The following CLDN16 variants were observed in gnomAD, a reference collection of about 807,000 sequenced individuals.
CLDN16 encodes the protein claudin-16.
In CLDN16, 13 loss-of-function variants were observed where a neutral mutation model predicts 24.6. That is an observed-to-expected ratio of 0.53 (90% CI 0.34 to 0.84). The LOEUF (loss-of-function observed/expected upper bound fraction) is 0.84, where lower values mean the gene tolerates loss of function less well. CLDN16 is among the 40% of genes least tolerant of loss of function. The pLI, the probability that CLDN16 is intolerant of heterozygous loss-of-function variation, is 0.01. For synonymous variants in CLDN16, 116 were observed against 106.7 expected, an observed-to-expected ratio of 1.09 and a Z score of -0.54; for missense variants, 298 against 292.7, an observed-to-expected ratio of 1.02 and a Z score of -0.13.
At chr3:190,380,809 G>T (rs1173621422) in intron 3 of CLDN16, among the ~76,000 whole-genome samples, 2 of 151,922 alleles carry the variant, frequency 1.3e-5, no homozygotes, top group Non-Finnish European at 2.9e-5. Context: ...AAATAAATTA[G>T]TAAAATTTTT....
intron 1 of CLDN16, 110 bp from the exon 2 acceptor site, chr3:190,402,227 T>TAACC (rs1718980574): frequency 1.2e-6 from 1 of 818,598 alleles, no homozygotes; most frequent in Non-Finnish European, 2.2e-6. Flanking sequence ...ATCACATGTG[T>TAACC]AACCACTTAC....
chr3:190,402,546 C>A, intron 2 of CLDN16, 107 bp downstream of exon 2: 1 of 842,248 alleles, frequency 1.2e-6, no homozygotes, highest in East Asian at 2.5e-5. Context: ...TATTAAGGTT[C>A]GGTCCAGTTT....
chr3:190,404,694 T>C, intron 2 of CLDN16, 68 bp from the exon 3 acceptor site: 2 of 1,519,672 alleles, frequency 1.3e-6, no homozygotes, highest in Non-Finnish European at 9.1e-7. Context: ...TTTTTTTTGC[T>C]ATGTCTCTGT....
At chr3:190,343,819 G>C (rs1307453227) in intron 1 of CLDN16, among the ~76,000 whole-genome samples, 2 of 152,068 alleles carry the variant, frequency 1.3e-5, no homozygotes, top group African/African-American at 4.8e-5. Context: ...GTTCAGGTCT[G>C]GGGGAGAAAA....
intron 1 of CLDN16, among the ~76,000 whole-genome samples, chr3:190,393,843 T>C (rs9880512): frequency 0.19 from 27,964 of 149,640 alleles, 3,035 homozygotes; most frequent in Middle Eastern, 0.29. Context: ...CTCCACCTCC[T>C]GAGTTCAAGC....
intron 3 of CLDN16, among the ~76,000 whole-genome samples, chr3:190,406,625 T>C (rs916560219): frequency 1.3e-5 from 2 of 152,158 alleles, no homozygotes; most frequent in Non-Finnish European, 2.9e-5. Flanking sequence ...GTCTATAATC[T>C]GTTTTGAAGG....
chr3:190,404,160 T>C (rs1053307198), intron 2 of CLDN16, among the ~76,000 whole-genome samples: 1 of 152,132 alleles, frequency 6.6e-6, no homozygotes, highest in Non-Finnish European at 1.5e-5. Flanking sequence ...ATGATTTAAA[T>C]AGCTGAAAGA....
At chr3:190,392,720 C>T (rs906780412) in intron 1 of CLDN16, among the ~76,000 whole-genome samples, 1 of 152,130 alleles carries the variant, frequency 6.6e-6, no homozygotes, top group South Asian at 2.1e-4. Context: ...CAGGAAATGG[C>T]AGGAACTGAG....
rs142274053 is a variant in CLDN16 at position 190,393,810 on chromosome 3, G to T, written c.114+5367G>T. On this transcript the variant is annotated intron_variant, in intron 1 of 4. Transcript: ENST00000264734. ...CTGTCGCCCAAGCTGGAGTGCAGTG[G>T]CATGATCTTGGCTCACTGCAGCCTC... Among the ~76,000 whole-genome samples the T allele has an allele frequency of 3.2e-3, 476 of 148,254 alleles. 3 individuals carry two copies. The highest frequency in any genetic ancestry group is 0.011 in the African/African-American group (451 of 40,102).
chr3:190,328,257 G>A (rs1717111938), intron 1 of CLDN16, among the ~76,000 whole-genome samples: 1 of 151,906 alleles, frequency 6.6e-6, no homozygotes, highest in Admixed American at 6.6e-5. Context: ...CTCCTGCCTG[G>A]GTGACAGAGT....
In CLDN16 at chr3:190,348,365, G is replaced by GT. The variant is rs397977966; in HGVS notation, n.122-22528_122-22527insT. On this transcript the variant is annotated intron_variant and non_coding_transcript_variant, in intron 1 of 4. Coordinates refer to the CLDN16 transcript ENST00000468220. ...TGTGTGTGTGTGTGTGTGTGTGTGT[G>GT]GTGTGTGTCTTTGGAAGATTATGTT... 1.9e-4 allele frequency among the ~76,000 whole-genome samples: 27 copies of GT among 143,794 alleles called. No individual in the cohort carries two copies. In the East Asian group the frequency reaches 2.9e-3, roughly 16 times the overall value. 94.3% of individuals were successfully genotyped at this position (143,794 alleles called of 152,430 possible).
chr3:190,350,426 A>G (rs1166807244), intron 1 of CLDN16, among the ~76,000 whole-genome samples: 1 of 151,636 alleles, frequency 6.6e-6, no homozygotes, highest in Non-Finnish European at 1.5e-5. Flanking sequence ...TAAAAATGAC[A>G]ATGTTAAAAA....
At chr3:190,302,077 C>A in the CLDN16 span, among the ~76,000 whole-genome samples, 1 of 152,158 alleles carries the variant, frequency 6.6e-6, no homozygotes, top group Non-Finnish European at 1.5e-5. Flanking sequence ...GGCCCCTTTG[C>A]TCTTTTCTGA....
chr3:190,343,321 G>A lies in CLDN16; in HGVS notation n.121+20660G>A, dbSNP rs184397828. 3.0e-3 allele frequency among the ~76,000 whole-genome samples: 460 copies of A among 152,222 alleles called. 3 individuals are homozygous for A. Among genetic ancestry groups the A allele is most frequent in the Non-Finnish European group, 5.0e-3 (338 of 67,966 alleles). On this transcript the variant is annotated intron_variant and non_coding_transcript_variant, in intron 1 of 4. Transcript: ENST00000468220. Reference sequence around the variant, plus strand: ...GACAAGAGATAAAAAATGTTGATCAGGGTGTGGAAGAAAGGGAAGCCTTGT... The same window carrying A: ...GACAAGAGATAAAAAATGTTGATCAAGGTGTGGAAGAAAGGGAAGCCTTGT...
intron 1 of CLDN16, among the ~76,000 whole-genome samples, chr3:190,343,013 A>T (rs529172504): frequency 3.9e-5 from 6 of 152,286 alleles, no homozygotes; most frequent in African/African-American, 7.2e-5. Flanking sequence ...AATCAACAAA[A>T]TGAAAAGACA....
chr3:190,411,633 A>G lies in CLDN16; in HGVS notation c.*1597A>G, dbSNP rs961315668. The G allele has an allele frequency of 1.3e-5, 2 of 152,214 alleles. No homozygotes were observed. Among genetic ancestry groups the G allele is most frequent in the African/African-American group, 4.8e-5 (2 of 41,462 alleles). 9.4% of individuals were successfully genotyped at this position (152,214 alleles called of 1,614,324 possible). A position where few individuals can be genotyped will look rare whatever the true frequency, so the allele number is the denominator to read the frequency against. ...TTTCAAATTTAAAGAACAAAGAATG[A>G]TGTGAAAATGAGATTATGATTCCTA... On this transcript the variant is annotated 3_prime_UTR_variant, in exon 5 of 5. Coordinates refer to ENST00000264734, the MANE Select transcript of CLDN16 (RefSeq NM_006580.4).
At chr3:190,374,091 G>A (rs114168100) in intron 2 of CLDN16, among the ~76,000 whole-genome samples, 6 of 151,886 alleles carry the variant, frequency 4.0e-5, no homozygotes, top group Admixed American at 6.6e-5. Flanking sequence ...ATTTTAGCTC[G>A]TTGGGTTTTA....
chr3:190,311,398 T>C, the CLDN16 span, among the ~76,000 whole-genome samples: 6 of 152,170 alleles, frequency 3.9e-5, no homozygotes, highest in African/African-American at 1.4e-4. Flanking sequence ...CAATTTGTAT[T>C]TGGGTAAACT....
At chr3:190,342,315 C>A (rs1364838090) in intron 1 of CLDN16, among the ~76,000 whole-genome samples, 2 of 152,062 alleles carry the variant, frequency 1.3e-5, no homozygotes, top group East Asian at 3.9e-4. Flanking sequence ...GGATGCATCA[C>A]AATTATGGCA....
Sources: allele counts gnomAD v4.1 joint callset (sites outside exome capture counted in the v4.1 genomes callset), GRCh38; gene constraint gnomAD v4.1.1; transcripts MANE v1.5; gene names NCBI Gene and HGNC (gene_info 2026-07-23, HGNC 2026-07-21).